The following CELF2 variants were observed in gnomAD, a reference collection of about 807,000 sequenced individuals.
CELF2 encodes CUGBP Elav-like family member 2, also known as CUG triplet repeat RNA-binding protein 2.
Under a neutral mutation model 62.6 loss-of-function variants are expected in CELF2, and 8 were observed. The ratio of observed to expected loss-of-function variants is 0.13; its 90% CI spans 0.07 to 0.23. The LOEUF is 0.23. Among genes scored for constraint, CELF2 ranks in the 10% least tolerant of loss-of-function variants. The pLI is 1.00. For synonymous variants in CELF2, 258 were observed against 250.0 expected (o/e 1.03, Z -0.30); for missense variants, 333 against 671.0 (o/e 0.50, Z 5.56).
rs1279176710 is a variant in CELF2, at chr10:11,185,341, T to C, written c.271+19659T>C. Among the ~76,000 whole-genome samples the C allele has an allele frequency of 2.0e-5, 3 of 152,108 alleles. No individual in the cohort carries two copies. The East Asian group carries it at 5.8e-4, about 30-fold the overall frequency. On this transcript the variant is annotated intron_variant, in intron 2 of 12. Transcript: ENST00000633077. Reference sequence around the variant, plus strand: ...AGGTGCACGTCACCACACCCAGCTATATTGACTGATTTGGATATTGAGCCA... The same window carrying C: ...AGGTGCACGTCACCACACCCAGCTACATTGACTGATTTGGATATTGAGCCA...
the CELF2 span, among the ~76,000 whole-genome samples, chr10:10,768,705 C>T: frequency 2.6e-5 from 4 of 151,738 alleles, no homozygotes; most frequent in African/African-American, 7.3e-5. Flanking sequence ...TCCCAAGTAC[C>T]GGGGTGTACA....
intron 2 of CELF2, among the ~76,000 whole-genome samples, chr10:10,940,286 G>A (rs2046910079): frequency 6.6e-6 from 1 of 152,114 alleles, no homozygotes; most frequent in African/African-American, 2.4e-5. Context: ...ATATGTTTAT[G>A]TTTGATTATT....
chr10:10,975,376 C>T (rs1306415912), intron 2 of CELF2, among the ~76,000 whole-genome samples: 2 of 152,178 alleles, frequency 1.3e-5, no homozygotes, highest in Non-Finnish European at 2.9e-5. Flanking sequence ...CCTCAATCCT[C>T]CCACCTAGGT....
intron 1 of CELF2, among the ~76,000 whole-genome samples, chr10:11,007,623 A>C (rs941901741): frequency 6.6e-6 from 1 of 152,204 alleles, no homozygotes; most frequent in African/African-American, 2.4e-5. Flanking sequence ...ATCGTATACC[A>C]ATAACTGCTT....
the CELF2 span, among the ~76,000 whole-genome samples, chr10:10,471,393 T>G: frequency 6.6e-6 from 1 of 151,824 alleles, no homozygotes; most frequent in Non-Finnish European, 1.5e-5. Context: ...CTCTCAGATT[T>G]TGTTCCATGT....
chr10:10,685,553 C>T, the CELF2 span, among the ~76,000 whole-genome samples: 1 of 152,136 alleles, frequency 6.6e-6, no homozygotes, highest in Non-Finnish European at 1.5e-5. Context: ...AGATAGATTG[C>T]AAAGTCCATA....
intron 1 of CELF2, among the ~76,000 whole-genome samples, chr10:11,056,442 C>A (rs2065258518): frequency 6.6e-6 from 1 of 152,158 alleles, no homozygotes; most frequent in South Asian, 2.1e-4. Context: ...AGCTTTTCAA[C>A]ACTGATAGTT....
chr10:11,025,730 T>C (rs1398651098), intron 1 of CELF2, among the ~76,000 whole-genome samples: 28 of 152,260 alleles, frequency 1.8e-4, no homozygotes, highest in Admixed American at 1.8e-3. Flanking sequence ...ACTTGTGTTT[T>C]TGGATTATTA....
At chr10:10,584,712 C>T in the CELF2 span, among the ~76,000 whole-genome samples, 5 of 152,160 alleles carry the variant, frequency 3.3e-5, no homozygotes, top group Non-Finnish European at 5.9e-5. Context: ...CTGTCTTTAA[C>T]GCTATGTTAT....
intron 1 of CELF2, among the ~76,000 whole-genome samples, chr10:10,905,707 C>G (rs997297820): frequency 3.9e-5 from 6 of 151,906 alleles, no homozygotes; most frequent in African/African-American, 1.5e-4. Context: ...GGAACCCTGT[C>G]TCTACTAAAA....
At chr10:11,261,590 C>T (rs1035651227) in intron 5 of CELF2, among the ~76,000 whole-genome samples, 1 of 152,204 alleles carries the variant, frequency 6.6e-6, no homozygotes, top group South Asian at 2.1e-4. Context: ...TGGAGCCTCT[C>T]GAAGATCCAA....
At chr10:11,254,269 C>T (rs964004109) in intron 4 of CELF2, among the ~76,000 whole-genome samples, 8 of 152,232 alleles carry the variant, frequency 5.3e-5, no homozygotes, top group African/African-American at 1.2e-4. Flanking sequence ...TTAAAGCAAA[C>T]ACAGCCCAAC....
intron 2 of CELF2, among the ~76,000 whole-genome samples, chr10:11,205,561 G>A (rs180910746): frequency 5.3e-5 from 8 of 152,290 alleles, no homozygotes; most frequent in Admixed American, 3.3e-4. Flanking sequence ...AGAACCAGAG[G>A]CTTAGGGAGG....
chr10:11,101,913 G>A (rs1048389444), intron 1 of CELF2, among the ~76,000 whole-genome samples: 1 of 152,158 alleles, frequency 6.6e-6, no homozygotes, highest in African/African-American at 2.4e-5. Flanking sequence ...AGGTATCCTG[G>A]TTTAAAGCAA....
rs1564362189 is a variant in CELF2, at chr10:11,009,338, CGCGT to C, written c.53+3900_53+3903del. ...GAAGTTGTGTGTGTGTGTGTGTGTG[CGCGT>C]GTGTGTGAGTGTGTGTGTGTGCGTG... is the stretch of plus-strand genomic sequence containing the variant. On this transcript the variant is annotated intron_variant, in intron 1 of 12. Coordinates refer to the CELF2 transcript ENST00000416382. Among the ~76,000 whole-genome samples the C allele has an allele frequency of 1.3e-4, 12 of 95,500 alleles. No homozygotes were observed. In the African/African-American group the frequency reaches 1.5e-3, roughly 12 times the overall value. 62.7% of individuals were successfully genotyped at this position (95,500 alleles called of 152,430 possible).
rs147242857 is a variant in CELF2 at position 10,885,637 on chromosome 10, G to A, written c.54-34327G>A. Among the ~76,000 whole-genome samples, 384 of 152,224 alleles carry A rather than the reference G, an allele frequency of 2.5e-3. 1 individual carries two copies. Among genetic ancestry groups the A allele is most frequent in the African/African-American group, 8.7e-3 (363 of 41,544 alleles). On this transcript the variant is annotated intron_variant, in intron 1 of 13. Coordinates refer to the CELF2 transcript ENST00000636488. ...TATGTAATACTTTCCTGTTGCTGCT[G>A]TAACCAATTGCTGCAAATGTAGTGG... is the stretch of plus-strand genomic sequence containing the variant.
intron 1 of CELF2, among the ~76,000 whole-genome samples, chr10:10,892,028 T>TA (rs1220521461): frequency 5.3e-5 from 8 of 152,282 alleles, no homozygotes; most frequent in African/African-American, 1.9e-4. Flanking sequence ...TTTCAAGACA[T>TA]AGACATTCAT....
chr10:11,254,527 A>T (rs777098298), intron 4 of CELF2, among the ~76,000 whole-genome samples: 2 of 152,196 alleles, frequency 1.3e-5, no homozygotes, highest in Non-Finnish European at 2.9e-5. Context: ...GCATTTCTTC[A>T]TGAGTAGTTT....
the CELF2 span, among the ~76,000 whole-genome samples, chr10:10,561,913 G>GC: frequency 1.3e-5 from 2 of 152,140 alleles, no homozygotes; most frequent in African/African-American, 2.4e-5. Context: ...TGCAGGTTCA[G>GC]CCCCCCTGCT....
Sources: allele counts gnomAD v4.1 joint callset (sites outside exome capture counted in the v4.1 genomes callset), GRCh38; gene constraint gnomAD v4.1.1; transcripts MANE v1.5; gene names NCBI Gene and HGNC (gene_info 2026-07-23, HGNC 2026-07-21).